Variants in OSBPL1A observed in about 807,000 individuals in gnomAD.
OSBPL1A encodes the protein oxysterol-binding protein-related protein 1.
OSBPL1A carries 80 observed loss-of-function variants against 137.1 expected under a neutral mutation model. That is an observed-to-expected ratio of 0.58 (90% CI 0.49 to 0.70). OSBPL1A has a LOEUF of 0.70. OSBPL1A is among the 30% of genes least tolerant of loss of function. OSBPL1A has a pLI of 0.00. For synonymous variants in OSBPL1A, 365 were observed against 389.7 expected (o/e 0.94, Z 0.75); for missense variants, 970 against 1,129.4 (o/e 0.86, Z 2.02).
chr18:24,388,574 C>T (rs896671043), intron 1 of OSBPL1A, among the ~76,000 whole-genome samples: 3 of 151,930 alleles, frequency 2.0e-5, no homozygotes, highest in Admixed American at 6.6e-5. Context: ...CCAAGGCGGG[C>T]GGATCACCTG....
chr18:24,194,730 C>T (rs1249030627), intron 18 of OSBPL1A, among the ~76,000 whole-genome samples: 1 of 152,164 alleles, frequency 6.6e-6, no homozygotes, highest in Non-Finnish European at 1.5e-5. Flanking sequence ...TCGCTCAATA[C>T]ACCTACCTCT....
chr18:24,273,213 G>T (rs1479727297), intron 15 of OSBPL1A, among the ~76,000 whole-genome samples: 6 of 152,102 alleles, frequency 3.9e-5, no homozygotes, highest in Non-Finnish European at 7.4e-5. Flanking sequence ...CAGCCTCATG[G>T]CATCTTTGAA....
chr18:24,323,539 C>CTTTTTTTTTTTTTTTTTTTTT, intron 7 of OSBPL1A, among the ~76,000 whole-genome samples: 1 of 35,154 alleles, frequency 2.8e-5, no homozygotes, highest in Non-Finnish European at 5.0e-5. Flanking sequence ...GAGGCTTTTT[C>CTTTTTTTTTTTTTTTTTTTTT]TTTTTTTTTT....
chr18:24,208,602 G>T (rs954743033), intron 17 of OSBPL1A, among the ~76,000 whole-genome samples: 3 of 152,188 alleles, frequency 2.0e-5, no homozygotes, highest in African/African-American at 7.2e-5. Context: ...AACATGTAAA[G>T]TTGCTGTGGC....
intron 19 of OSBPL1A, among the ~76,000 whole-genome samples, chr18:24,180,313 ATACTC>A (rs1159450446): frequency 6.6e-6 from 1 of 152,218 alleles, no homozygotes; most frequent in African/African-American, 2.4e-5. Context: ...TGTGTCCACT[ATACTC>A]TACCTCTAAC....
At chr18:24,202,746 A>G (rs2087257265) in intron 17 of OSBPL1A, among the ~76,000 whole-genome samples, 1 of 152,240 alleles carries the variant, frequency 6.6e-6, no homozygotes, top group Non-Finnish European at 1.5e-5. Flanking sequence ...GTATTTTTCC[A>G]ACGGACAAGA....
chr18:24,232,063 C>T (rs1031487566), intron 16 of OSBPL1A, among the ~76,000 whole-genome samples: 27 of 152,152 alleles, frequency 1.8e-4, no homozygotes, highest in African/African-American at 6.3e-4. Flanking sequence ...TTATTGTTTA[C>T]GGTTTCCCAC....
chr18:24,385,593 C>T (rs1022491360), intron 1 of OSBPL1A, among the ~76,000 whole-genome samples: 6 of 151,962 alleles, frequency 3.9e-5, no homozygotes, highest in African/African-American at 1.5e-4. Flanking sequence ...GCAGCTGAAA[C>T]CAAGGGAGGA....
chr18:24,345,130 TA>T (rs142427226), intron 4 of OSBPL1A, among the ~76,000 whole-genome samples: 2 of 150,078 alleles, frequency 1.3e-5, no homozygotes, highest in African/African-American at 4.9e-5. Flanking sequence ...GAAGAATGTT[TA>T]AAAAAAAATA....
At chr18:24,386,437 A>G (rs1906967796) in intron 1 of OSBPL1A, among the ~76,000 whole-genome samples, 1 of 152,226 alleles carries the variant, frequency 6.6e-6, no homozygotes, top group South Asian at 2.1e-4. Flanking sequence ...TTGACATTAC[A>G]TGCATCAGAA....
chr18:24,275,516 C>T (rs1437756011), intron 15 of OSBPL1A, among the ~76,000 whole-genome samples: 1 of 152,002 alleles, frequency 6.6e-6, no homozygotes, highest in Non-Finnish European at 1.5e-5. Context: ...ATCAGGGTCA[C>T]AAAATGACTA....
At chr18:24,394,616 A>C (rs1281479939) in intron 1 of OSBPL1A, among the ~76,000 whole-genome samples, 1 of 152,188 alleles carries the variant, frequency 6.6e-6, no homozygotes, top group Non-Finnish European at 1.5e-5. Flanking sequence ...AAATTCCCTA[A>C]ATTTTAGAAA....
chr18:24,227,634 C>T (rs1468886076), intron 16 of OSBPL1A, among the ~76,000 whole-genome samples: 1 of 152,002 alleles, frequency 6.6e-6, no homozygotes, highest in Non-Finnish European at 1.5e-5. Flanking sequence ...AGAGATGGCA[C>T]AACGGCAAAT....
chr18:24,388,339 C>CGGAT (rs1907076115), intron 1 of OSBPL1A, among the ~76,000 whole-genome samples: 1 of 152,052 alleles, frequency 6.6e-6, no homozygotes, highest in African/African-American at 2.4e-5. Flanking sequence ...ATTAGTTAAC[C>CGGAT]GGATGGATGG....
intron 4 of OSBPL1A, among the ~76,000 whole-genome samples, chr18:24,362,962 A>G (rs759943795): frequency 4.6e-5 from 7 of 152,236 alleles, no homozygotes; most frequent in South Asian, 2.1e-4. Context: ...CACCTCCCCA[A>G]ACAAGTCTGA....
chr18:24,328,216 GTATTTTTTTTT>G (rs1166806381), intron 7 of OSBPL1A, among the ~76,000 whole-genome samples: 924 of 47,566 alleles, frequency 0.019, 7 homozygotes, highest in Non-Finnish European at 0.026. Context: ...CTAATTTTTT[GTATTTTTTTTT>G]TTTTTTTTTT....
intron 4 of OSBPL1A, among the ~76,000 whole-genome samples, chr18:24,363,432 C>T (rs1487602124): frequency 6.7e-6 from 1 of 148,456 alleles, no homozygotes; most frequent in African/African-American, 2.5e-5. Flanking sequence ...ACACTTCTTT[C>T]TTTTTCTTTT....
intron 21 of OSBPL1A, among the ~76,000 whole-genome samples, chr18:24,173,857 C>G (rs1442287938): frequency 6.6e-6 from 1 of 152,250 alleles, no homozygotes; most frequent in Non-Finnish European, 1.5e-5. Flanking sequence ...CCCACAAACA[C>G]TTTGTTCATA....
At chr18:24,231,828 A>C (rs1225303304) in intron 16 of OSBPL1A, among the ~76,000 whole-genome samples, 1 of 152,218 alleles carries the variant, frequency 6.6e-6, no homozygotes, top group African/African-American at 2.4e-5. Flanking sequence ...AAAAGGCTGA[A>C]AGAAGAGGCC....
Sources: gnomAD v4.1 joint callset for allele counts (sites outside exome capture counted in the v4.1 genomes callset) on GRCh38, gnomAD v4.1.1 for gene constraint, MANE v1.5 for transcripts, NCBI Gene and HGNC (gene_info 2026-07-23, HGNC 2026-07-21) for gene names.